The following HDAC9 variants were observed in gnomAD, a reference collection of about 807,000 sequenced individuals.
The protein encoded by HDAC9 is histone deacetylase 9.
A neutral mutation model predicts 139.4 loss-of-function variants in HDAC9; 41 were observed. The observed-to-expected ratio is 0.29, with a 90% CI of 0.23 to 0.38. HDAC9 has a LOEUF of 0.38. Ranked by LOEUF, HDAC9 falls within the 10% of genes least tolerant of loss-of-function variation. HDAC9 has a pLI of 1.00. For synonymous variants in HDAC9, 517 were observed against 476.2 expected (o/e 1.09, Z -1.12); for missense variants, 1,147 against 1,297.0 (o/e 0.88, Z 1.78).
intron 1 of HDAC9, among the ~76,000 whole-genome samples, chr7:18,386,208 C>T (rs912140753): frequency 6.6e-6 from 1 of 152,104 alleles, no homozygotes; most frequent in Admixed American, 6.5e-5. Flanking sequence ...CACCATGTAC[C>T]TTGTATAGAT....
chr7:18,826,447 G>A (rs7456989), intron 17 of HDAC9, among the ~76,000 whole-genome samples: 3,557 of 152,232 alleles, frequency 0.023, 80 homozygotes, highest in South Asian at 0.094. Context: ...AGCACAATGC[G>A]AGGTTTGGGT....
intron 2 of HDAC9, among the ~76,000 whole-genome samples, chr7:18,582,999 A>G (rs754277521): frequency 1.6e-4 from 24 of 152,272 alleles, no homozygotes; most frequent in Non-Finnish European, 2.9e-4. Flanking sequence ...ATAATTTGCA[A>G]TTCTTTACTA....
intron 12 of HDAC9, among the ~76,000 whole-genome samples, chr7:18,705,482 A>C (rs1324214010): frequency 1.3e-5 from 2 of 152,194 alleles, no homozygotes; most frequent in African/African-American, 2.4e-5. Context: ...CTGGTGATCT[A>C]AATGGGTGTG....
intron 17 of HDAC9, among the ~76,000 whole-genome samples, chr7:18,800,783 A>G (rs964159182): frequency 6.6e-6 from 1 of 152,116 alleles, no homozygotes; most frequent in Non-Finnish European, 1.5e-5. Context: ...CAGTGAGCCA[A>G]GATCGTGCTG....
At chr7:18,823,639 C>G (rs560930396) in intron 17 of HDAC9, among the ~76,000 whole-genome samples, 127 of 152,200 alleles carry the variant, frequency 8.3e-4, no homozygotes, top group African/African-American at 2.7e-3. Context: ...TGATAAGGAT[C>G]ACATGCGGTC....
At chr7:18,411,817 C>CTTTTTTTTTTT (rs71014326) in intron 1 of HDAC9, among the ~76,000 whole-genome samples, 5 of 88,942 alleles carry the variant, frequency 5.6e-5, no homozygotes, top group Non-Finnish European at 9.8e-5. Context: ...TTTCAACTTG[C>CTTTTTTTTTTT]TTTTTTTTTT....
chr7:18,490,080 G>T (rs1453837019), intron 1 of HDAC9, among the ~76,000 whole-genome samples: 2 of 151,964 alleles, frequency 1.3e-5, no homozygotes, highest in Non-Finnish European at 2.9e-5. Context: ...TTTAAAAATT[G>T]TTCTCTAAAA....
At chr7:18,695,632 C>T (rs543098997) in intron 12 of HDAC9, among the ~76,000 whole-genome samples, 1 of 152,080 alleles carries the variant, frequency 6.6e-6, no homozygotes, top group African/African-American at 2.4e-5. Context: ...TTTAGTTTGA[C>T]CTTGATGTCA....
chr7:18,244,193 G>A (rs1005832334), intron 2 of HDAC9, among the ~76,000 whole-genome samples: 2 of 152,138 alleles, frequency 1.3e-5, no homozygotes, highest in African/African-American at 2.4e-5. Context: ...AGGAGGGTGA[G>A]GGGTTGGAGG....
intron 16 of HDAC9, among the ~76,000 whole-genome samples, chr7:18,784,122 A>G (rs1283875519): frequency 4.6e-5 from 3 of 65,388 alleles, no homozygotes; most frequent in Non-Finnish European, 1.2e-4. Context: ...TCTGGGTATT[A>G]TTATTATTAT....
At chr7:18,625,946 CAAAAAAAAAAAAAAAAA>C (rs11312304) in intron 6 of HDAC9, among the ~76,000 whole-genome samples, 1 of 60,940 alleles carries the variant, frequency 1.6e-5, no homozygotes, top group Non-Finnish European at 2.9e-5. Flanking sequence ...GACTCCATCT[CAAAAAAAAAAAAAAAAA>C]AAAAAAAAAA....
At chr7:18,654,469 A>G (rs1203939802) in intron 11 of HDAC9, among the ~76,000 whole-genome samples, 1 of 151,960 alleles carries the variant, frequency 6.6e-6, no homozygotes, top group African/African-American at 2.4e-5. Context: ...CTTCCCTTCA[A>G]CCTTAACAAC....
At chr7:18,543,547 T>C (rs1813708926) in intron 2 of HDAC9, 1 of 152,232 alleles carries the variant, frequency 6.6e-6, no homozygotes. Flanking sequence ...TTCTCTACTT[T>C]TGTGACACCA....
At chr7:18,747,216 C>T (rs1190684278) in intron 13 of HDAC9, among the ~76,000 whole-genome samples, 1 of 152,144 alleles carries the variant, frequency 6.6e-6, no homozygotes, top group East Asian at 1.9e-4. Flanking sequence ...GGAGGAATTT[C>T]AGTCTCTTTA....
chr7:18,764,700 T>A (rs1789676215), intron 15 of HDAC9, among the ~76,000 whole-genome samples: 1 of 152,154 alleles, frequency 6.6e-6, no homozygotes, highest in South Asian at 2.1e-4. Context: ...AAATTCATAA[T>A]CGTCAAGATG....
intron 16 of HDAC9, among the ~76,000 whole-genome samples, chr7:18,792,503 A>G (rs1792412390): frequency 6.6e-6 from 1 of 151,990 alleles, no homozygotes; most frequent in Non-Finnish European, 1.5e-5. Context: ...TGCTCTTTTC[A>G]TGTATGCATT....
At chr7:18,499,683 G>A (rs1283509863) in intron 2 of HDAC9, among the ~76,000 whole-genome samples, 1 of 152,114 alleles carries the variant, frequency 6.6e-6, no homozygotes, top group Non-Finnish European at 1.5e-5. Context: ...CAATTATTAT[G>A]AAGGAATTTC....
At chr7:18,090,924 C>T (rs954190677) in intron 1 of HDAC9, among the ~76,000 whole-genome samples, 1 of 151,952 alleles carries the variant, frequency 6.6e-6, no homozygotes, top group Admixed American at 6.6e-5. Flanking sequence ...CCTTCAAATC[C>T]CACTAGAATT....
intron 2 of HDAC9, among the ~76,000 whole-genome samples, chr7:18,241,144 A>C (rs775403174): frequency 6.6e-6 from 1 of 152,224 alleles, no homozygotes; most frequent in African/African-American, 2.4e-5. Context: ...GGGTAACTTC[A>C]AAATACAAAT....
Sources: gnomAD v4.1 joint callset for allele counts (sites outside exome capture counted in the v4.1 genomes callset) on GRCh38, gnomAD v4.1.1 for gene constraint, MANE v1.5 for transcripts, NCBI Gene and HGNC (gene_info 2026-07-23, HGNC 2026-07-21) for gene names.